FGD5: variants seen among roughly 807,000 people sequenced by gnomAD.
FGD5 encodes the protein FYVE, RhoGEF and PH domain containing 5.
FGD5 carries 28 observed loss-of-function variants against 133.4 expected under a neutral mutation model. The ratio of observed to expected loss-of-function variants is 0.21; its 90% CI spans 0.16 to 0.29. FGD5 has a LOEUF of 0.29. FGD5 is among the 10% of genes least tolerant of loss of function. The probability of loss-of-function intolerance (pLI) is 1.00; values close to 1 mark genes in which losing one functional copy is unlikely to be tolerated. For synonymous variants in FGD5, 810 were observed against 776.5 expected (o/e 1.04, Z -0.72); for missense variants, 1,858 against 1,895.2 (o/e 0.98, Z 0.36).
chr3:14,880,617 T>G lies in FGD5; in HGVS notation c.2704T>G (p.Ser902Ala). 1 of 1,613,998 alleles carries G rather than the reference T, an allele frequency of 6.2e-7. No individual in the cohort carries two copies. The highest frequency in any genetic ancestry group is 8.5e-7 in the Non-Finnish European group (1 of 1,179,884). ...RALVIAQELL[S>A]SEKAYVEMLQ... ...CCTTGTCATCGCACAGGAACTGCTA[T>G]CTTCAGAGAAAGCGTGAGTCCCCAA... The change falls in exon 3 of 20, where the codon TCT (serine) becomes GCT (alanine). Residue 902 changes from serine to alanine, a missense_variant. Transcript: ENST00000285046.
At chr3:14,853,069 AC>A (rs2037198562) in intron 1 of FGD5, among the ~76,000 whole-genome samples, 1 of 149,224 alleles carries the variant, frequency 6.7e-6, no homozygotes, top group African/African-American at 2.5e-5. Flanking sequence ...GGAATCCAGG[AC>A]CCCCAGTCCT....
chr3:14,925,341 T>G (rs367980596), intron 17 of FGD5, among the ~76,000 whole-genome samples: 2 of 152,318 alleles, frequency 1.3e-5, no homozygotes, highest in South Asian at 4.1e-4. Flanking sequence ...CAGAATCTCT[T>G]CTGTTTTCTC....
intron 1 of FGD5, among the ~76,000 whole-genome samples, chr3:14,836,186 C>T (rs766707797): frequency 1.2e-4 from 18 of 152,206 alleles, no homozygotes; most frequent in Non-Finnish European, 1.5e-4. Context: ...GCCATGACCC[C>T]AGTCCTGCTC....
At chr3:14,861,871 C>G (rs1217352158) in intron 1 of FGD5, among the ~76,000 whole-genome samples, 1 of 152,136 alleles carries the variant, frequency 6.6e-6, no homozygotes, top group Non-Finnish European at 1.5e-5. Context: ...AGAAGTTAAG[C>G]CAGGGGACAG....
At chr3:14,921,130 T>C (rs948535144) in intron 13 of FGD5, among the ~76,000 whole-genome samples, 35 of 152,236 alleles carry the variant, frequency 2.3e-4, no homozygotes, top group Non-Finnish European at 7.3e-5. Flanking sequence ...GTCACCTTCC[T>C]GCTAGTCCAG....
chr3:14,813,996 C>G (rs376663819), upstream of FGD5, among the ~76,000 whole-genome samples: 11 of 152,276 alleles, frequency 7.2e-5, no homozygotes, highest in East Asian at 2.1e-3. Flanking sequence ...GCGATTCCCC[C>G]ACCCCCTAGT....
Position 14,821,446 on chromosome 3 carries a change from G to A in FGD5, c.2375G>A (p.Arg792Gln), listed in dbSNP as rs775172254. 8 of 1,613,854 alleles carry A rather than the reference G, an allele frequency of 5.0e-6. No individual in the cohort carries two copies. Among genetic ancestry groups the A allele is most frequent in the East Asian group, 2.2e-5 (1 of 44,890 alleles). The change falls in exon 1 of 20, where the codon CGG becomes CAG. Residue 792 changes from arginine (R) to glutamine (Q), a missense_variant. Around this residue, in one of 3 missense-constraint regions of FGD5, gnomAD observed 1,824 missense variants for 1,848.9 expected, o/e 0.99. Transcript: ENST00000285046. The part of the protein sequence containing the change: ...SDYENIQIPP[R>Q]RPARAGAFTK... ...TATGAGAATATCCAGATTCCACCCCGGAGACCTGCCAGGGCTGGCGCGTTC... is the reference window on the plus strand; with the variant it reads ...TATGAGAATATCCAGATTCCACCCCAGAGACCTGCCAGGGCTGGCGCGTTC...
Position 14,932,592 on chromosome 3 carries a change from G to A in FGD5, c.4213G>A (p.Glu1405Lys), listed in dbSNP as rs1407312843. ...TCCTCTGCAGGACAAAGTGGCCTTG[G>A]AGAGTATGCCTCTGCTAGGCTTCAC... Reference protein sequence around the residue: ...YMASEDKVALESMPLLGFTIA... With the variant: ...YMASEDKVALKSMPLLGFTIA... Residue 1405 changes from glutamate to lysine, a missense_variant, in exon 19 of 20, where the codon GAG becomes AAG. Transcript: ENST00000285046. The A allele has an allele frequency of 1.9e-6, 3 of 1,613,556 alleles. No individual in the cohort carries two copies. Among genetic ancestry groups the A allele is most frequent in the Non-Finnish European group, 2.5e-6 (3 of 1,179,694 alleles).
intron 2 of FGD5, among the ~76,000 whole-genome samples, chr3:14,879,220 G>A (rs1161585284): frequency 6.6e-6 from 1 of 152,240 alleles, no homozygotes; most frequent in Non-Finnish European, 1.5e-5. Flanking sequence ...TGTACCAGGA[G>A]GCAGGTGTTC....
intron 11 of FGD5, among the ~76,000 whole-genome samples, chr3:14,914,952 G>C (rs1266632554): frequency 6.6e-6 from 1 of 152,252 alleles, no homozygotes; most frequent in African/African-American, 2.4e-5. Flanking sequence ...CAAGAACAGG[G>C]CTTCACAAAC....
In FGD5 at chr3:14,821,517, G is replaced by A; in HGVS notation, c.2446G>A (p.Glu816Lys). The change falls in exon 1 of 20, where the codon GAA becomes AAA. Residue 816 changes from glutamate to lysine, a missense_variant. Around this residue, in one of 3 missense-constraint regions of FGD5, gnomAD observed 1,824 missense variants for 1,848.9 expected, o/e 0.99. Coordinates refer to ENST00000285046, the MANE Select transcript of FGD5 (RefSeq NM_152536.4). ...GAGCAGAGCCCTGTCCACAGCAAACGAAAATGATGGCTACGTGGACATGAG... is the reference window on the plus strand; with the variant it reads ...GAGCAGAGCCCTGTCCACAGCAAACAAAAATGATGGCTACGTGGACATGAG... ...DQSRALSTAN[E>K]NDGYVDMSSF... is the part of the protein sequence containing the mutation. 3.1e-6 allele frequency: 5 copies of A among 1,613,954 alleles called. No homozygotes were observed. In the South Asian group the frequency reaches 4.4e-5, roughly 14 times the overall value.
rs149937917 is a variant in FGD5 at position 14,900,348 on chromosome 3, G to A, written c.3155-55G>A. The A allele has an allele frequency of 1.7e-4, 271 of 1,580,484 alleles. 1 individual carries two copies. In the East Asian group the frequency reaches 6.0e-3, roughly 35 times the overall value. The stretch of plus-strand genomic sequence containing the variant: ...AGAGAGGGGGTGGCCACAGTTGTGG[G>A]CAGGAGGGGCTGACCTCACCAGTAG... On this transcript the variant is annotated intron_variant, in intron 7 of 19. Coordinates refer to ENST00000285046, the MANE Select transcript of FGD5 (RefSeq NM_152536.4).
intron 1 of FGD5, among the ~76,000 whole-genome samples, chr3:14,823,554 C>A: frequency 6.6e-6 from 1 of 152,202 alleles, no homozygotes; most frequent in Non-Finnish European, 1.5e-5. Context: ...AAACTTCAGA[C>A]ACAAGTCCTG....
At chr3:14,872,116 G>A (rs920879819) in intron 2 of FGD5, among the ~76,000 whole-genome samples, 1 of 152,228 alleles carries the variant, frequency 6.6e-6, no homozygotes, top group African/African-American at 2.4e-5. Flanking sequence ...CACTTGTGGT[G>A]CCCTCGGCTC....
At chr3:14,867,338 C>T (rs528244564) in intron 2 of FGD5, among the ~76,000 whole-genome samples, 1 of 152,254 alleles carries the variant, frequency 6.6e-6, no homozygotes, top group Admixed American at 6.5e-5. Context: ...AAATGTTTTT[C>T]TGGCTGCATA....
intron 1 of FGD5, 168 bp downstream of exon 1, chr3:14,821,764 C>T: frequency 2.0e-6 from 2 of 1,000,606 alleles, no homozygotes; most frequent in Non-Finnish European, 2.8e-6. Flanking sequence ...GTTACTTCAT[C>T]CGTGAAATGG....
chr3:14,912,281 A>C (rs997763307), intron 11 of FGD5, among the ~76,000 whole-genome samples: 1 of 152,142 alleles, frequency 6.6e-6, no homozygotes, highest in East Asian at 1.9e-4. Flanking sequence ...CAGGCTCTGC[A>C]TGAGGCACTA....
upstream of FGD5, among the ~76,000 whole-genome samples, chr3:14,814,323 C>T (rs763889019): frequency 5.3e-5 from 8 of 152,216 alleles, no homozygotes; most frequent in Non-Finnish European, 1.0e-4. Context: ...CCCTGGAATG[C>T]TCTATCCAGG....
Position 14,933,207 on chromosome 3 carries a change from C to T in FGD5, c.*40C>T, listed in dbSNP as rs1267343010. 7.5e-6 allele frequency: 12 copies of T among 1,605,024 alleles called. No homozygotes were observed. The highest frequency in any genetic ancestry group is 1.0e-5 in the Non-Finnish European group (12 of 1,174,780). ...GTGGACTTGTAACAAATTCTTAGGT[C>T]AATATGTGAATGCTTTTAGAAGCTA... On this transcript the variant is annotated 3_prime_UTR_variant, in exon 20 of 20. Coordinates refer to ENST00000285046, the MANE Select transcript of FGD5 (RefSeq NM_152536.4).
Sources: allele counts gnomAD v4.1 joint callset (sites outside exome capture counted in the v4.1 genomes callset), GRCh38; gene constraint gnomAD v4.1.1; regional missense constraint gnomAD v4.1.1; transcripts MANE v1.5; gene names NCBI Gene and HGNC (gene_info 2026-07-23, HGNC 2026-07-21).